GRIK2: variants seen among roughly 807,000 people sequenced by gnomAD.
GRIK2 encodes glutamate receptor ionotropic, kainate 2.
GRIK2 carries 32 observed loss-of-function variants against 100.3 expected under a neutral mutation model. The ratio of observed to expected loss-of-function variants is 0.32; its 90% CI spans 0.24 to 0.43. The LOEUF is 0.43. Among genes scored for constraint, GRIK2 ranks in the 20% least tolerant of loss-of-function variants. The probability of loss-of-function intolerance (pLI) is 1.00; values close to 1 mark genes in which losing one functional copy is unlikely to be tolerated. For synonymous variants in GRIK2, 417 were observed against 389.4 expected (o/e 1.07, Z -0.83); for missense variants, 843 against 1,114.9 (o/e 0.76, Z 3.47).
intron 12 of GRIK2, among the ~76,000 whole-genome samples, chr6:101,900,556 A>T (rs1787780586): frequency 6.6e-6 from 1 of 152,172 alleles, no homozygotes; most frequent in Admixed American, 6.6e-5. Context: ...TAGGTAGTAA[A>T]CTGTGTATAG....
chr6:101,442,340 A>G (rs1770115693), intron 2 of GRIK2, among the ~76,000 whole-genome samples: 1 of 152,100 alleles, frequency 6.6e-6, no homozygotes, highest in Non-Finnish European at 1.5e-5. Context: ...CACCTGTTGA[A>G]TCCCAGGTTA....
intron 7 of GRIK2, among the ~76,000 whole-genome samples, chr6:101,689,537 T>A (rs1331498125): frequency 6.6e-6 from 1 of 152,152 alleles, no homozygotes; most frequent in East Asian, 1.9e-4. Context: ...CCACTTCGCT[T>A]GCCATTGTAG....
At chr6:101,699,915 G>C (rs1447712373) in intron 7 of GRIK2, among the ~76,000 whole-genome samples, 1 of 152,110 alleles carries the variant, frequency 6.6e-6, no homozygotes, top group Non-Finnish European at 1.5e-5. Context: ...GGGAGGCCAA[G>C]GTGAGAGGAC....
chr6:101,485,280 A>G (rs998070091), intron 2 of GRIK2, among the ~76,000 whole-genome samples: 2 of 152,234 alleles, frequency 1.3e-5, no homozygotes, highest in Non-Finnish European at 2.9e-5. Context: ...TTTTCCTCAC[A>G]TGAAGCAGCT....
intron 4 of GRIK2, among the ~76,000 whole-genome samples, chr6:101,664,289 T>A (rs965144947): frequency 6.6e-6 from 1 of 152,010 alleles, no homozygotes; most frequent in African/African-American, 2.4e-5. Flanking sequence ...AAAAAAGAAA[T>A]AGATAATAGG....
chr6:101,909,386 T>TGTTTTTTTTG (rs755330153), intron 12 of GRIK2, among the ~76,000 whole-genome samples: 1,587 of 138,794 alleles, frequency 0.011, 66 homozygotes, highest in Non-Finnish European at 0.015. Context: ...CTTTTTCTTT[T>TGTTTTTTTTG]TTTTTTTTTT....
chr6:101,615,161 A>T (rs1166938638), intron 2 of GRIK2, among the ~76,000 whole-genome samples: 1 of 151,688 alleles, frequency 6.6e-6, no homozygotes, highest in African/African-American at 2.4e-5. Context: ...TCTTCTTTTA[A>T]CAAGCCTTTT....
chr6:102,065,990 C>T (rs1034253), intron 16 of GRIK2: 288,916 of 893,082 alleles, frequency 0.32, 47,079 homozygotes, highest in East Asian at 0.34. Context: ...CCACATAAAT[C>T]CTTTAATAGA....
intron 7 of GRIK2, among the ~76,000 whole-genome samples, chr6:101,737,965 A>G (rs1454478091): frequency 6.6e-6 from 1 of 152,178 alleles, no homozygotes; most frequent in Non-Finnish European, 1.5e-5. Flanking sequence ...CTCTGGAGGC[A>G]AATGAATTAT....
At chr6:101,448,201 C>G (rs1044912936) in intron 2 of GRIK2, among the ~76,000 whole-genome samples, 1 of 151,582 alleles carries the variant, frequency 6.6e-6, no homozygotes, top group Non-Finnish European at 1.5e-5. Flanking sequence ...AGAGTTTGGA[C>G]AGTGATATCT....
chr6:101,777,265 G>A (rs577417434), intron 7 of GRIK2, among the ~76,000 whole-genome samples: 77 of 152,274 alleles, frequency 5.1e-4, no homozygotes, highest in Non-Finnish European at 8.2e-4. Flanking sequence ...CACCTGCTCT[G>A]TGCTGGGCAG....
chr6:101,470,591 C>A (rs971690512), intron 2 of GRIK2, among the ~76,000 whole-genome samples: 1 of 152,082 alleles, frequency 6.6e-6, no homozygotes, highest in African/African-American at 2.4e-5. Context: ...TCTCTCTCTT[C>A]CTTCCTAGCT....
chr6:101,464,962 A>G (rs1340534249), intron 2 of GRIK2, among the ~76,000 whole-genome samples: 2 of 152,168 alleles, frequency 1.3e-5, no homozygotes, highest in Non-Finnish European at 2.9e-5. Context: ...CAATCTTGAT[A>G]ACAGGACTCC....
intron 7 of GRIK2, among the ~76,000 whole-genome samples, chr6:101,704,213 C>A (rs1264363578): frequency 6.6e-6 from 1 of 151,512 alleles, no homozygotes; most frequent in Non-Finnish European, 1.5e-5. Flanking sequence ...TCTAAGAGAC[C>A]ATGATGGAGA....
chr6:101,406,479 C>T (rs1463014446), intron 2 of GRIK2, among the ~76,000 whole-genome samples: 1 of 152,116 alleles, frequency 6.6e-6, no homozygotes, highest in Non-Finnish European at 1.5e-5. Flanking sequence ...GATACATATA[C>T]TTCTATCAGT....
At position 101,941,462 on chromosome 6, in the gene GRIK2, T is replaced by A. The variant is rs531818074; in HGVS notation, c.2085+12830T>A. ...TAAACTGGTCATTATCAACATACAT[T>A]CTCAGAAAATACAAACTGAATTTGA... is the stretch of plus-strand genomic sequence containing the variant. On this transcript the variant is annotated intron_variant, in intron 14 of 16. Coordinates refer to ENST00000369134, the MANE Select transcript of GRIK2 (RefSeq NM_021956.5). Among the ~76,000 whole-genome samples, 34 of 152,080 alleles carry A rather than the reference T, an allele frequency of 2.2e-4. No individual in the cohort carries two copies. In the South Asian group the frequency reaches 7.0e-3, roughly 31 times the overall value.
intron 9 of GRIK2, among the ~76,000 whole-genome samples, chr6:101,805,769 G>T (rs1158802124): frequency 6.6e-6 from 1 of 152,038 alleles, no homozygotes; most frequent in South Asian, 2.1e-4. Flanking sequence ...TCACTGACAT[G>T]ATAGATTTTA....
At chr6:102,003,937 T>C (rs1310308436) in intron 14 of GRIK2, among the ~76,000 whole-genome samples, 1 of 151,678 alleles carries the variant, frequency 6.6e-6, no homozygotes, top group African/African-American at 2.4e-5. Context: ...GACTAGGTAT[T>C]AAAGTTTTAT....
At chr6:101,613,349 A>G (rs1393394959) in intron 2 of GRIK2, among the ~76,000 whole-genome samples, 1 of 151,836 alleles carries the variant, frequency 6.6e-6, no homozygotes, top group Non-Finnish European at 1.5e-5. Flanking sequence ...TGACTTAGAT[A>G]TAAAAGCAAA....
Sources: allele counts gnomAD v4.1 joint callset (sites outside exome capture counted in the v4.1 genomes callset), GRCh38; gene constraint gnomAD v4.1.1; transcripts MANE v1.5; gene names NCBI Gene and HGNC (gene_info 2026-07-23, HGNC 2026-07-21).